The following ACAN variants were observed in gnomAD, a reference collection of about 807,000 sequenced individuals.
The protein encoded by ACAN is aggrecan, also known as aggrecan core protein.
In ACAN, 47 loss-of-function variants were observed where a neutral mutation model predicts 169.1. The ratio of observed to expected loss-of-function variants is 0.28; its 90% CI spans 0.22 to 0.35. The LOEUF is 0.35. Among genes scored for constraint, ACAN ranks in the 10% least tolerant of loss-of-function variants. The pLI is 1.00. For synonymous variants in ACAN, 1,115 were observed against 1,112.2 expected, an observed-to-expected ratio of 1.00 and a Z score of -0.05; for missense variants, 2,716 against 2,759.9, an observed-to-expected ratio of 0.98 and a Z score of 0.36.
Position 88,871,919 on chromosome 15 carries a change from T to A in ACAN, c.7220-84T>A. The A allele has an allele frequency of 8.1e-7, 1 of 1,233,844 alleles. No individual in the cohort carries two copies. Among genetic ancestry groups the A allele is most frequent in the Non-Finnish European group, 1.2e-6 (1 of 833,658 alleles). 76.4% of individuals were successfully genotyped at this position (1,233,844 alleles called of 1,614,324 possible). A position where few individuals can be genotyped will look rare whatever the true frequency, so the allele number is the denominator to read the frequency against. ...CCCACCCACCTCCTTTCCTCCTCCATCCCCTCTGCCTCCGTGAGCTCAAGT... is the reference window on the plus strand; with the variant it reads ...CCCACCCACCTCCTTTCCTCCTCCAACCCCTCTGCCTCCGTGAGCTCAAGT... On this transcript the variant is annotated intron_variant, in intron 15 of 18. Transcript: ENST00000560601. This position sits in a 1 kb window ranked among gnomAD's most constrained non-coding sequence, Gnocchi z 7.8.
intron 1 of ACAN, among the ~76,000 whole-genome samples, chr15:88,832,683 G>C (rs1364706690): frequency 6.6e-6 from 1 of 152,186 alleles, no homozygotes; most frequent in African/African-American, 2.4e-5. Flanking sequence ...CCAAATATTT[G>C]GTAGTATGAT....
At chr15:88,834,837 G>A (rs1479210960) in intron 1 of ACAN, among the ~76,000 whole-genome samples, 3 of 152,274 alleles carry the variant, frequency 2.0e-5, no homozygotes, top group Admixed American at 2.0e-4. Context: ...AAAATCCTGA[G>A]GTCCAGGCTG....
chr15:88,862,498 G>C (rs191651358), intron 13 of ACAN, among the ~76,000 whole-genome samples: 1 of 152,300 alleles, frequency 6.6e-6, no homozygotes, highest in African/African-American at 2.4e-5. Context: ...AGAAGCTTTA[G>C]CATCTCCAAA....
chr15:88,840,233 C>T, intron 4 of ACAN, 47 bp downstream of exon 4: 1 of 1,518,532 alleles, frequency 6.6e-7, no homozygotes, highest in Non-Finnish European at 8.8e-7. Flanking sequence ...TCAGCAGCCA[C>T]AGGGGAGTGG....
Position 88,847,987 on chromosome 15 carries a change from C to T in ACAN, c.1681C>T (p.Arg561Cys), listed in dbSNP as rs780224333. 53 of 1,613,830 alleles carry T rather than the reference C, an allele frequency of 3.3e-5. No individual in the cohort carries two copies. The highest frequency in any genetic ancestry group is 3.9e-5 in the Non-Finnish European group (46 of 1,179,884). ...SSPGVRTYGV[R>C]PSTETYDVYC... ...CCCAGGGGTCAGGACCTATGGCGTG[C>T]GCCCATCAACAGAGACCTACGATGT... The change falls in exon 9 of 19, where the codon CGC becomes TGC. Residue 561 changes from arginine (R) to cysteine (C), a missense_variant. By Grantham distance (180) the Arg-to-Cys change is radical. Around this residue, in one of 3 missense-constraint regions of ACAN, gnomAD observed 1,283 missense variants for 1,281.5 expected, o/e 1.00. Coordinates refer to ENST00000560601, the MANE Select transcript of ACAN (RefSeq NM_001369268.1).
chr15:88,838,362 C>T lies in ACAN; in HGVS notation c.71-301C>T, dbSNP rs2141562192. Among the ~76,000 whole-genome samples, 1 of 152,252 alleles carries T rather than the reference C, an allele frequency of 6.6e-6. No individual in the cohort carries two copies. The highest frequency in any genetic ancestry group is 2.1e-4 in the South Asian group (1 of 4,818). On this transcript the variant is annotated intron_variant, in intron 2 of 18. Transcript: ENST00000560601. This position sits in a 1 kb window ranked among gnomAD's most constrained non-coding sequence, Gnocchi z 5.1. ...CACTGCAGTACCCCAGTTTGAGAAA[C>T]AGGGAGTTGGTCCTGACTCTGACGT...
At position 88,807,401 on chromosome 15, in the gene ACAN, C is replaced by T. The variant is rs982947720; in HGVS notation, c.-8+3592C>T. ...CGTGTCCTGATGGTAGCCGCACTGCCGCCCTGATAACTTAAAGGAAGCCCC... is the reference window on the plus strand; with the variant it reads ...CGTGTCCTGATGGTAGCCGCACTGCTGCCCTGATAACTTAAAGGAAGCCCC... On this transcript the variant is annotated intron_variant, in intron 1 of 18. Coordinates refer to ENST00000560601, the MANE Select transcript of ACAN (RefSeq NM_001369268.1). The surrounding 1 kb of genome is among the most constrained non-coding windows in gnomAD (Gnocchi z 4.0). Among the ~76,000 whole-genome samples the T allele has an allele frequency of 3.3e-5, 5 of 152,330 alleles. No homozygotes were observed. The highest frequency in any genetic ancestry group is 1.9e-4 in the East Asian group (1 of 5,182).
chr15:88,815,770 G>A (rs778482225), intron 1 of ACAN, among the ~76,000 whole-genome samples: 1 of 151,556 alleles, frequency 6.6e-6, no homozygotes, highest in Non-Finnish European at 1.5e-5. Context: ...ATTGGGGACT[G>A]TTGTTTATAA....
Position 88,874,663 on chromosome 15 carries a change from C to T in ACAN, c.*182C>T, listed in dbSNP as rs1429004726. 4 of 698,774 alleles carry T rather than the reference C, an allele frequency of 5.7e-6. No individual in the cohort carries two copies. Among genetic ancestry groups the T allele is most frequent in the Admixed American group, 2.0e-5 (1 of 49,034 alleles). 43.3% of individuals were successfully genotyped at this position (698,774 alleles called of 1,614,324 possible). A position where few individuals can be genotyped will look rare whatever the true frequency, so the allele number is the denominator to read the frequency against. On this transcript the variant is annotated 3_prime_UTR_variant, in exon 19 of 19. Transcript: ENST00000560601. This position sits in a 1 kb window ranked among gnomAD's most constrained non-coding sequence, Gnocchi z 7.3. The stretch of plus-strand genomic sequence containing the variant: ...CACTCACCCCTCCAAATCAGCAAAA[C>T]CGCATCTAATTTGTCCGCCGAATGC...
Position 88,843,604 on chromosome 15 carries a change from G to T in ACAN, c.1007G>T (p.Gly336Val). 1 of 1,598,840 alleles carries T rather than the reference G, an allele frequency of 6.3e-7. No homozygotes were observed. Among genetic ancestry groups the T allele is most frequent in the Non-Finnish European group, 8.6e-7 (1 of 1,168,454 alleles). ...GTCTACGTGCATGCCAACCAGACGG[G>T]CTACCCCGACCCCTCATCCCGCTAC... ...RTVYVHANQTGYPDPSSRYDA... is the reference protein window; with the variant it reads ...RTVYVHANQTVYPDPSSRYDA... Residue 336 changes from glycine (G) to valine (V), a missense_variant, in exon 6 of 19, where the codon GGC (glycine) becomes GTC (valine). Coordinates refer to ENST00000560601, the MANE Select transcript of ACAN (RefSeq NM_001369268.1). This position sits in a 1 kb window ranked among gnomAD's most constrained non-coding sequence, Gnocchi z 4.0.
In ACAN at chr15:88,875,154, T is replaced by C. The variant is rs73458269; in HGVS notation, c.*673T>C. On this transcript the variant is annotated 3_prime_UTR_variant, in exon 19 of 19. Transcript: ENST00000560601. This position sits in a 1 kb window ranked among gnomAD's most constrained non-coding sequence, Gnocchi z 4.8. ...CTCTTTCAGTGTCCTCTCTCTCACC[T>C]GGGTCTGCCACCCTAACAGGTGGCA... 0.034 allele frequency: 5,235 copies of C among 154,098 alleles called. 300 individuals carry two copies. Among genetic ancestry groups the C allele is most frequent in the African/African-American group, 0.12 (4,897 of 41,504 alleles). 9.5% of individuals were successfully genotyped at this position (154,098 alleles called of 1,614,324 possible).
chr15:88,860,898 T>G (rs1897181473), intron 13 of ACAN, among the ~76,000 whole-genome samples: 1 of 152,144 alleles, frequency 6.6e-6, no homozygotes, highest in Non-Finnish European at 1.5e-5. Flanking sequence ...GGTCCCCTTC[T>G]TGCCCTGAAG....
At chr15:88,842,783 C>T (rs1421619365) in intron 5 of ACAN, among the ~76,000 whole-genome samples, 2 of 152,132 alleles carry the variant, frequency 1.3e-5, no homozygotes, top group Admixed American at 6.5e-5. Context: ...GAGTGGATGC[C>T]GTCCGCCCCC....
intron 1 of ACAN, among the ~76,000 whole-genome samples, chr15:88,819,984 T>G (rs947391710): frequency 6.6e-6 from 1 of 151,968 alleles, no homozygotes; most frequent in Non-Finnish European, 1.5e-5. Flanking sequence ...CTGAGGGAGA[T>G]GAGATAAGTT....
At position 88,869,643 on chromosome 15, in the gene ACAN, G is replaced by T. The variant is rs1161456798; in HGVS notation, c.7060+1314G>T. Among the ~76,000 whole-genome samples, 2 of 152,180 alleles carry T rather than the reference G, an allele frequency of 1.3e-5. No homozygotes were observed. Among genetic ancestry groups the T allele is most frequent in the Non-Finnish European group, 2.9e-5 (2 of 68,034 alleles). ...AGCTATTTGGTTCCAGACTGGAAAA[G>T]TGGGCTCTGCTGGAATGGAGGCAGG... On this transcript the variant is annotated intron_variant, in intron 14 of 18. Transcript: ENST00000560601. This position sits in a 1 kb window ranked among gnomAD's most constrained non-coding sequence, Gnocchi z 4.2.
At position 88,858,259 on chromosome 15, in the gene ACAN, C is replaced by T. The variant is rs767984963; in HGVS notation, c.5674C>T (p.Pro1892Ser). ...TTCCAGTGGGTTTACATCCCAGACT[C>T]CGGAATTCAGTGGCCTACCAAGTGG... ...VDSSGFTSQT[P>S]EFSGLPSGIA... Residue 1892 changes from proline (P) to serine (S), a missense_variant, in exon 12 of 19, where the codon CCG (proline) becomes TCG (serine). By Grantham distance (74) the Pro-to-Ser change is moderately conservative (BLOSUM62 -1). This residue lies in a region of ACAN where 1,389 missense variants were observed against 1,363.7 expected (regional missense o/e 1.02). Transcript: ENST00000560601. The surrounding 1 kb of genome is among the most constrained non-coding windows in gnomAD (Gnocchi z 4.0). The T allele has an allele frequency of 1.9e-6, 3 of 1,613,938 alleles. No individual in the cohort carries two copies. The South Asian group carries it at 3.3e-5, about 18-fold the overall frequency.
rs532782629 is a variant in ACAN at position 88,818,324 on chromosome 15, C to A, written c.-8+14515C>A. On this transcript the variant is annotated intron_variant, in intron 1 of 18. Transcript: ENST00000560601. ...ATTCTTCCATAAGGGAAAATCTGCACAGTTGCTCCCACCAAGTCTGAATGG... is the reference window on the plus strand; with the variant it reads ...ATTCTTCCATAAGGGAAAATCTGCAAAGTTGCTCCCACCAAGTCTGAATGG... Among the ~76,000 whole-genome samples the A allele has an allele frequency of 4.3e-4, 66 of 152,354 alleles. No homozygotes were observed. In the South Asian group the frequency reaches 0.014, roughly 32 times the overall value.
intron 1 of ACAN, among the ~76,000 whole-genome samples, chr15:88,823,106 G>T (rs184768575): frequency 6.6e-6 from 1 of 152,208 alleles, no homozygotes; most frequent in Non-Finnish European, 1.5e-5. Context: ...ACACAGGGAG[G>T]CTACTGAAGC....
chr15:88,811,038 G>C (rs560628462), intron 1 of ACAN, among the ~76,000 whole-genome samples: 1 of 152,310 alleles, frequency 6.6e-6, no homozygotes, highest in South Asian at 2.1e-4. Flanking sequence ...AGCTTCTCCT[G>C]TCTTCACTTC....
Sources: gnomAD v4.1 joint callset for allele counts (sites outside exome capture counted in the v4.1 genomes callset) on GRCh38, gnomAD v4.1.1 for gene constraint, gnomAD v4.1.1 regional missense constraint, Gnocchi (gnomAD v3.1) non-coding constraint, MANE v1.5 for transcripts, NCBI Gene and HGNC (gene_info 2026-07-23, HGNC 2026-07-21) for gene names.